The following GRHL2 variants were observed in gnomAD, a reference collection of about 807,000 sequenced individuals.
GRHL2 encodes grainyhead like transcription factor 2, also known as grainyhead-like protein 2 homolog.
A neutral mutation model predicts 83.8 loss-of-function variants in GRHL2; 21 were observed. That is an observed-to-expected ratio of 0.25 (90% CI 0.18 to 0.36). The LOEUF is 0.36. GRHL2 is among the 10% of genes least tolerant of loss of function. The pLI is 1.00. For synonymous variants in GRHL2, 280 were observed against 278.9 expected, an observed-to-expected ratio of 1.00 and a Z score of -0.04; for missense variants, 623 against 781.8, an observed-to-expected ratio of 0.80 and a Z score of 2.42.
intron 8 of GRHL2, among the ~76,000 whole-genome samples, chr8:101,614,462 T>C (rs1015959170): frequency 6.8e-6 from 1 of 146,742 alleles, no homozygotes; most frequent in African/African-American, 2.7e-5. Flanking sequence ...AAATATTATA[T>C]GAGCATTTGT....
Position 101,558,576 on chromosome 8 carries a change from G to A in GRHL2, c.442G>A (p.Ala148Thr), listed in dbSNP as rs2130176200. 3.7e-6 allele frequency: 6 copies of A among 1,614,124 alleles called. No homozygotes were observed. Among genetic ancestry groups the A allele is most frequent in the Non-Finnish European group, 5.1e-6 (6 of 1,180,036 alleles). The change falls in exon 4 of 16, where the codon GCC becomes ACC. Residue 148 changes from alanine to threonine, a missense_variant. Physicochemically the swap from Ala to Thr is moderately conservative, Grantham distance 58. This residue lies in a region of GRHL2 where 239 missense variants were observed against 240.5 expected (regional missense o/e 0.99). Transcript: ENST00000646743. ...CAGCATCAGCTTCCCCGAGAGCTCT[G>A]CCATCATCCCGGTGTCGGGAATCAC... ...QYSISFPESS[A>T]IIPVSGITVV... is the part of the protein sequence containing the mutation.
rs757175552 is a variant in GRHL2, at chr8:101,626,849, G to T, written c.1258-4788G>T. Reference sequence around the variant, plus strand: ...ATAGGAAGAGGTGGAATACTCGGAAGGTCTTGCTCAAGGAATGTTTTCTTT... The same window carrying T: ...ATAGGAAGAGGTGGAATACTCGGAATGTCTTGCTCAAGGAATGTTTTCTTT... On this transcript the variant is annotated intron_variant, in intron 9 of 15. Transcript: ENST00000646743. Among the ~76,000 whole-genome samples, 38 of 152,062 alleles carry T rather than the reference G, an allele frequency of 2.5e-4. 1 individual carries two copies. The highest frequency in any genetic ancestry group is 2.2e-4 in the Non-Finnish European group (15 of 67,954).
intron 1 of GRHL2, among the ~76,000 whole-genome samples, chr8:101,527,662 G>A (rs185489162): frequency 2.0e-3 from 300 of 152,252 alleles, no homozygotes; most frequent in African/African-American, 6.8e-3. Flanking sequence ...ATTCTCTGAT[G>A]GCTGTATCAA....
chr8:101,643,429 A>C (rs1446850419), intron 12 of GRHL2, among the ~76,000 whole-genome samples: 1 of 151,610 alleles, frequency 6.6e-6, no homozygotes, highest in African/African-American at 2.4e-5. Flanking sequence ...CGGGAGACTA[A>C]GGAAGGACAG....
rs56301334 is a variant in GRHL2 at position 101,643,369 on chromosome 8, C to CAAAAA, written c.1518-739_1518-735dup. Among the ~76,000 whole-genome samples, 21 of 96,954 alleles carry CAAAAA rather than the reference C, an allele frequency of 2.2e-4. 1 individual carries two copies. Among genetic ancestry groups the CAAAAA allele is most frequent in the African/African-American group, 4.0e-4 (11 of 27,612 alleles). 63.6% of individuals were successfully genotyped at this position (96,954 alleles called of 152,430 possible). On this transcript the variant is annotated intron_variant, in intron 12 of 15. Transcript: ENST00000646743. ...CTATCCTCTTAGTTTCTGTTTCTCT[C>CAAAAA]AAAAAAAAAAAAAAAAAAAAAAAAA... is the stretch of plus-strand genomic sequence containing the variant.
intron 4 of GRHL2, among the ~76,000 whole-genome samples, chr8:101,562,912 G>A (rs1407524772): frequency 6.6e-6 from 1 of 152,222 alleles, no homozygotes; most frequent in Admixed American, 6.5e-5. Context: ...GAGTGTAGTG[G>A]CAGCATGATA....
chr8:101,534,831 A>G (rs1811009522), intron 1 of GRHL2, among the ~76,000 whole-genome samples: 1 of 152,200 alleles, frequency 6.6e-6, no homozygotes, highest in African/African-American at 2.4e-5. Context: ...ACCAACAGAG[A>G]CAGGAAAGGC....
intron 1 of GRHL2, among the ~76,000 whole-genome samples, chr8:101,509,201 CT>C (rs1271787737): frequency 6.9e-5 from 2 of 28,838 alleles, no homozygotes; most frequent in Non-Finnish European, 1.9e-4. Context: ...CTCTTTCTTT[CT>C]TTCTTCTTGT....
chr8:101,530,604 T>C (rs1451260206), intron 1 of GRHL2, among the ~76,000 whole-genome samples: 1 of 152,238 alleles, frequency 6.6e-6, no homozygotes, highest in African/African-American at 2.4e-5. Flanking sequence ...AGTTGTATTA[T>C]ACTAAAGATA....
At chr8:101,653,500 CT>C (rs1813715896) in intron 14 of GRHL2, among the ~76,000 whole-genome samples, 1 of 152,084 alleles carries the variant, frequency 6.6e-6, no homozygotes, top group African/African-American at 2.4e-5. Flanking sequence ...CCTGGGGTAC[CT>C]TTCAAAGATG....
chr8:101,636,945 T>C lies in GRHL2; in HGVS notation c.1517+17T>C, dbSNP rs903492899. 7.4e-6 allele frequency: 12 copies of C among 1,611,840 alleles called. No homozygotes were observed. Among genetic ancestry groups the C allele is most frequent in the Non-Finnish European group, 1.0e-5 (12 of 1,178,056 alleles). On this transcript the variant is annotated intron_variant, in intron 12 of 15. Coordinates refer to ENST00000646743, the MANE Select transcript of GRHL2 (RefSeq NM_024915.4). ...ACGAGAAGGGTAAGACACTCAGTTCTTTCATTTCAACACTCCAAGTCAGCT... is the reference window on the plus strand; with the variant it reads ...ACGAGAAGGGTAAGACACTCAGTTCCTTCATTTCAACACTCCAAGTCAGCT...
chr8:101,633,394 T>C (rs1232142801), intron 11 of GRHL2, among the ~76,000 whole-genome samples: 1 of 152,234 alleles, frequency 6.6e-6, no homozygotes, highest in South Asian at 2.1e-4. Context: ...AAGTTTTTCT[T>C]GCATTCTAAG....
At position 101,610,640 on chromosome 8, in the gene GRHL2, T is replaced by C. The variant is rs75468720; in HGVS notation, c.1099-8899T>C. ...TCATATAAGTGTCACAGTACCAACG[T>C]AGGGGCTGTTATACCTATTTAAAAG... On this transcript the variant is annotated intron_variant, in intron 8 of 15. Transcript: ENST00000646743. Among the ~76,000 whole-genome samples, 793 of 151,100 alleles carry C rather than the reference T, an allele frequency of 5.2e-3. 34 individuals carry two copies. The highest frequency in any genetic ancestry group is 0.049 in the East Asian group (256 of 5,186).
rs1586414157 is a variant in GRHL2 at position 101,519,428 on chromosome 8, TTGCTC to T, written c.21-23810_21-23806del. Among the ~76,000 whole-genome samples, 4 of 152,238 alleles carry T rather than the reference TTGCTC, an allele frequency of 2.6e-5. No individual in the cohort carries two copies. In the East Asian group the frequency reaches 7.7e-4, roughly 29 times the overall value. The stretch of plus-strand genomic sequence containing the variant: ...TACTTGAATTTTTTTTTAAAGGGTC[TTGCTC>T]TGTTACCCAGGCTGGAGTCCAGTGG... On this transcript the variant is annotated intron_variant, in intron 1 of 15. Coordinates refer to ENST00000646743, the MANE Select transcript of GRHL2 (RefSeq NM_024915.4).
chr8:101,672,745 T>C (rs1814230634), downstream of GRHL2, among the ~76,000 whole-genome samples: 1 of 151,080 alleles, frequency 6.6e-6, no homozygotes, highest in South Asian at 2.1e-4. Context: ...CCAAGACACA[T>C]AATTGTCAGA....
intron 9 of GRHL2, among the ~76,000 whole-genome samples, chr8:101,623,550 G>A (rs551394545): frequency 5.5e-4 from 72 of 129,918 alleles, no homozygotes; most frequent in Admixed American, 4.9e-3. Flanking sequence ...GACAGTTCAC[G>A]GTACCCAGTA....
downstream of GRHL2, among the ~76,000 whole-genome samples, chr8:101,671,665 T>C (rs1448875018): frequency 6.6e-6 from 1 of 152,222 alleles, no homozygotes; most frequent in Non-Finnish European, 1.5e-5. Context: ...TAAATGTCCC[T>C]GTCTGACAGC....
At chr8:101,564,681 A>C (rs916902611) in intron 4 of GRHL2, among the ~76,000 whole-genome samples, 3 of 151,654 alleles carry the variant, frequency 2.0e-5, no homozygotes, top group Non-Finnish European at 4.4e-5. Flanking sequence ...GTGTGGTGGC[A>C]TGCACCTGTA....
chr8:101,656,544 C>T lies in GRHL2; in HGVS notation c.1698+7045C>T, dbSNP rs115712185. On this transcript the variant is annotated intron_variant, in intron 14 of 15. Coordinates refer to ENST00000646743, the MANE Select transcript of GRHL2 (RefSeq NM_024915.4). Reference sequence around the variant, plus strand: ...CACAAGAAGGATAAACATTCCCATTCACAGCTCACCACATCTAAAGAGATC... The same window carrying T: ...CACAAGAAGGATAAACATTCCCATTTACAGCTCACCACATCTAAAGAGATC... Among the ~76,000 whole-genome samples, 972 of 152,300 alleles carry T rather than the reference C, an allele frequency of 6.4e-3. 8 individuals carry two copies. Among genetic ancestry groups the T allele is most frequent in the African/African-American group, 0.022 (900 of 41,544 alleles).
Sources: allele counts gnomAD v4.1 joint callset (sites outside exome capture counted in the v4.1 genomes callset), GRCh38; gene constraint gnomAD v4.1.1; regional missense constraint gnomAD v4.1.1; transcripts MANE v1.5; gene names NCBI Gene and HGNC (gene_info 2026-07-23, HGNC 2026-07-21).